ITPR3: variants seen among roughly 807,000 people sequenced by gnomAD.
ITPR3 encodes inositol 1,4,5-trisphosphate receptor type 3, also known as inositol 1,4,5-trisphosphate-gated calcium channel ITPR3.
Under a neutral mutation model 293.2 loss-of-function variants are expected in ITPR3, and 173 were observed. The ratio of observed to expected loss-of-function variants is 0.59; its 90% CI spans 0.52 to 0.67. The LOEUF (loss-of-function observed/expected upper bound fraction) is 0.67. Ranked by LOEUF, ITPR3 falls within the 30% of genes least tolerant of loss-of-function variation. The probability of loss-of-function intolerance (pLI) is 0.00; values close to 1 mark genes in which losing one functional copy is unlikely to be tolerated. For synonymous variants in ITPR3, 1,295 were observed against 1,444.4 expected, an observed-to-expected ratio of 0.90 and a Z score of 2.35; for missense variants, 2,796 against 3,592.1, an observed-to-expected ratio of 0.78 and a Z score of 5.66.
Position 33,683,327 on chromosome 6 carries a change from C to A in ITPR3, c.4718C>A (p.Thr1573Lys). 1.9e-6 allele frequency: 3 copies of A among 1,593,812 alleles called. No homozygotes were observed. The highest frequency in any genetic ancestry group is 2.6e-6 in the Non-Finnish European group (3 of 1,170,900). ...QRNASSYKATTRAFPRVTPTA... is the reference protein window; with the variant it reads ...QRNASSYKATKRAFPRVTPTA... ...AACGCCTCCAGCTACAAGGCAACCA[C>A]GCGGGCCTTCCCCCGCGTCACCCCC... The change falls in exon 35 of 58, where the codon ACG (threonine) becomes AAG (lysine). Residue 1573 changes from threonine (T) to lysine (K), a missense_variant. By Grantham distance (78) the Thr-to-Lys change is moderately conservative. This residue lies in a region of ITPR3 where 704 missense variants were observed against 797.5 expected (regional missense o/e 0.88). Coordinates refer to ENST00000605930, the MANE Select transcript of ITPR3 (RefSeq NM_002224.4). The surrounding 1 kb of genome is among the most constrained non-coding windows in gnomAD (Gnocchi z 4.5).
chr6:33,651,607 T>C (rs1764193620), intron 2 of ITPR3, among the ~76,000 whole-genome samples: 1 of 152,182 alleles, frequency 6.6e-6, no homozygotes, highest in Non-Finnish European at 1.5e-5. Context: ...AAAATAAAAG[T>C]CCATGCTTCC....
chr6:33,667,912 A>G lies in ITPR3; in HGVS notation c.1834A>G (p.Lys612Glu). 1 of 1,614,190 alleles carries G rather than the reference A, an allele frequency of 6.2e-7. No individual in the cohort carries two copies. The highest frequency in any genetic ancestry group is 1.7e-5 in the Admixed American group (1 of 60,030). The change falls in exon 16 of 58, where the codon AAG becomes GAG. Residue 612 changes from lysine to glutamate, a missense_variant. This residue lies in a region of ITPR3 where 955 missense variants were observed against 1,180.8 expected (regional missense o/e 0.81). Coordinates refer to ENST00000605930, the MANE Select transcript of ITPR3 (RefSeq NM_002224.4). This position sits in a 1 kb window ranked among gnomAD's most constrained non-coding sequence, Gnocchi z 4.4. The stretch of plus-strand genomic sequence containing the variant: ...CAAGCTCCTGGAAAAGCACATCACC[A>G]AGACCGAGGTGGAGACCTTCGTCAG... ...NRKLLEKHITKTEVETFVSLV... is the reference protein window; with the variant it reads ...NRKLLEKHITETEVETFVSLV...
In ITPR3 at chr6:33,663,866, C is replaced by G; in HGVS notation, c.1134C>G (p.Asp378Glu). The G allele has an allele frequency of 1.2e-6, 2 of 1,614,186 alleles. No homozygotes were observed. The highest frequency in any genetic ancestry group is 1.7e-6 in the Non-Finnish European group (2 of 1,180,016). Reference protein sequence around the residue: ...ELDPTTLQKTDSFVPRNSYVR... With the variant: ...ELDPTTLQKTESFVPRNSYVR... ...ACCCCACCACCTTGCAGAAAACCGA[C>G]TCTTTCGTGCCCCGGTGGGTATGCG... The change falls in exon 11 of 58, where the codon GAC becomes GAG. Residue 378 changes from aspartate to glutamate, a missense_variant. Physicochemically the swap from Asp to Glu is conservative, Grantham distance 45. Coordinates refer to ENST00000605930, the MANE Select transcript of ITPR3 (RefSeq NM_002224.4).
rs376910863 is a variant in ITPR3 at position 33,693,754 on chromosome 6, A to G, written c.7785+49A>G. On this transcript the variant is annotated intron_variant, in intron 56 of 57. Transcript: ENST00000605930. ...CCTGTGGGCCCAAACCAGCCATTCT[A>G]GAGTCATCACTGTGCACCAGAGGCC... The G allele has an allele frequency of 5.0e-6, 8 of 1,601,484 alleles. No individual in the cohort carries two copies. In the African/African-American group the frequency reaches 6.7e-5, roughly 13 times the overall value.
rs761705972 is a variant in ITPR3 at position 33,691,635 on chromosome 6, C to G, written c.7246C>G (p.His2416Asp). Reference sequence around the variant, plus strand: ...TCCAGCCAGCCCCCTGGGGATGCCACATGGAGCTGCTGCATTTGTGGACAC... The same window carrying G: ...TCCAGCCAGCCCCCTGGGGATGCCAGATGGAGCTGCTGCATTTGTGGACAC... ...HSTASPLGMP[H>D]GAAAFVDTCS... Residue 2416 changes from histidine (H) to aspartate (D), a missense_variant, in exon 53 of 58, where the codon CAT becomes GAT. Around this residue, in one of 8 missense-constraint regions of ITPR3, gnomAD observed 568 missense variants for 796.1 expected, o/e 0.71. Transcript: ENST00000605930. The surrounding 1 kb of genome is among the most constrained non-coding windows in gnomAD (Gnocchi z 4.9). 5 of 1,613,938 alleles carry G rather than the reference C, an allele frequency of 3.1e-6. No homozygotes were observed. The African/African-American group carries it at 6.7e-5, about 22-fold the overall frequency.
Position 33,664,853 on chromosome 6 carries a change from C to G in ITPR3, c.1149-17C>G. The G allele has an allele frequency of 1.2e-6, 2 of 1,611,976 alleles. No individual in the cohort carries two copies. The highest frequency in any genetic ancestry group is 1.7e-6 in the Non-Finnish European group (2 of 1,179,090). ...GTGGTGCACTCCCCGAGTCCTTTCC[C>G]TCCCACCCACCTGCAGGAACTCGTA... is the stretch of plus-strand genomic sequence containing the variant. On this transcript the variant is annotated splice_polypyrimidine_tract_variant and intron_variant, in intron 11 of 57. Transcript: ENST00000605930. The surrounding 1 kb of genome is among the most constrained non-coding windows in gnomAD (Gnocchi z 4.4).
chr6:33,693,469 TG>T, intron 55 of ITPR3, 75 bp from the exon 56 acceptor site: 7 of 1,517,926 alleles, frequency 4.6e-6, no homozygotes, highest in Non-Finnish European at 6.4e-6. Context: ...CCCCGGAAGC[TG>T]GGTCCCCTCC....
intron 1 of ITPR3, among the ~76,000 whole-genome samples, chr6:33,635,465 G>T (rs1763798943): frequency 6.6e-6 from 1 of 152,192 alleles, no homozygotes; most frequent in Admixed American, 6.5e-5. Context: ...ACAGTGGTTT[G>T]GGTGCTGAGG....
chr6:33,684,693 G>T lies in ITPR3; in HGVS notation c.5137+5G>T. The stretch of plus-strand genomic sequence containing the variant: ...TTCCCGACCCCATAGGCACTGGTCA[G>T]TATCACCTTCCCCTGCCCCCGGGCC... On this transcript the variant is annotated splice_donor_5th_base_variant and intron_variant, in intron 38 of 57. Transcript: ENST00000605930. The surrounding 1 kb of genome is among the most constrained non-coding windows in gnomAD (Gnocchi z 4.2). 1 of 1,613,850 alleles carries T rather than the reference G, an allele frequency of 6.2e-7. No homozygotes were observed. The highest frequency in any genetic ancestry group is 8.5e-7 in the Non-Finnish European group (1 of 1,179,940).
At chr6:33,669,190 T>C (rs1764693962) in intron 18 of ITPR3, 34 bp downstream of exon 18, 2 of 1,600,224 alleles carry the variant, frequency 1.2e-6, no homozygotes, top group East Asian at 4.5e-5. Flanking sequence ...TCCCTCTTCC[T>C]GTGCCTTTGG....
chr6:33,622,161 C>T (rs1561845202), intron 1 of ITPR3, among the ~76,000 whole-genome samples: 1 of 152,056 alleles, frequency 6.6e-6, no homozygotes, highest in Non-Finnish European at 1.5e-5. Context: ...GCACCTTCTC[C>T]TCACAGCTCT....
rs542196780 is a variant in ITPR3 at position 33,691,531 on chromosome 6, C to T, written c.7226-84C>T. ...GCGATCCAGGACCAGGGAAGGTTTCCTGGAGGATGTGACACTGGGGACAGA... is the reference window on the plus strand; with the variant it reads ...GCGATCCAGGACCAGGGAAGGTTTCTTGGAGGATGTGACACTGGGGACAGA... On this transcript the variant is annotated intron_variant, in intron 52 of 57. Coordinates refer to ENST00000605930, the MANE Select transcript of ITPR3 (RefSeq NM_002224.4). The surrounding 1 kb of genome is among the most constrained non-coding windows in gnomAD (Gnocchi z 4.9). 1.0e-3 allele frequency: 1,173 copies of T among 1,164,766 alleles called. 13 individuals are homozygous for T. In the South Asian group the frequency reaches 0.01, roughly 10 times the overall value. The allele number at this position is 1,164,766 out of a possible 1,614,324, so 72.2% of individuals were successfully genotyped here. A position where few individuals can be genotyped will look rare whatever the true frequency, so the allele number is the denominator to read the frequency against.
At chr6:33,644,411 C>T (rs1047376124) in intron 2 of ITPR3, among the ~76,000 whole-genome samples, 1 of 151,996 alleles carries the variant, frequency 6.6e-6, no homozygotes. Flanking sequence ...GCGTGAGCCA[C>T]TGCGCCTGGC....
chr6:33,630,085 G>A (rs1039081752), intron 1 of ITPR3, among the ~76,000 whole-genome samples: 6 of 151,916 alleles, frequency 3.9e-5, no homozygotes, highest in African/African-American at 4.8e-5. Flanking sequence ...GTGAGACTCC[G>A]TCAAAAAAAA....
At chr6:33,676,296 C>T (rs1385465835) in intron 25 of ITPR3, among the ~76,000 whole-genome samples, 1 of 152,236 alleles carries the variant, frequency 6.6e-6, no homozygotes, top group Non-Finnish European at 1.5e-5. Flanking sequence ...CACAGCAGCC[C>T]TGACAGTGAG....
intron 33 of ITPR3, among the ~76,000 whole-genome samples, chr6:33,681,443 C>G (rs2127300027): frequency 6.6e-6 from 1 of 152,326 alleles, no homozygotes; most frequent in African/African-American, 2.4e-5. Context: ...AAGGCCTAAG[C>G]AGAAGGGCTC....
intron 2 of ITPR3, among the ~76,000 whole-genome samples, chr6:33,641,629 C>T (rs1763953843): frequency 6.6e-6 from 1 of 152,040 alleles, no homozygotes; most frequent in Non-Finnish European, 1.5e-5. Flanking sequence ...GGCCCCTTCA[C>T]CCTACACCGT....
At chr6:33,673,310 C>T (rs538321201) in intron 22 of ITPR3, among the ~76,000 whole-genome samples, 3 of 152,100 alleles carry the variant, frequency 2.0e-5, no homozygotes, top group East Asian at 1.9e-4. Context: ...GTGGGCCGGG[C>T]GCAGGGGTGC....
intron 2 of ITPR3, among the ~76,000 whole-genome samples, chr6:33,644,194 GA>G (rs1490108704): frequency 6.6e-6 from 1 of 151,030 alleles, no homozygotes; most frequent in Non-Finnish European, 1.5e-5. Context: ...TGTCTCAGGG[GA>G]AAAAAAGAAA....
Sources: gnomAD v4.1 joint callset for allele counts (sites outside exome capture counted in the v4.1 genomes callset) on GRCh38, gnomAD v4.1.1 for gene constraint, gnomAD v4.1.1 regional missense constraint, Gnocchi (gnomAD v3.1) non-coding constraint, MANE v1.5 for transcripts, NCBI Gene and HGNC (gene_info 2026-07-23, HGNC 2026-07-21) for gene names.